The following GLI3 variants were observed in gnomAD, a reference collection of about 807,000 sequenced individuals.
The protein encoded by GLI3 is GLI family zinc finger 3.
In GLI3, 20 loss-of-function variants were observed where a neutral mutation model predicts 100.8. The ratio of observed to expected loss-of-function variants is 0.20; its 90% CI spans 0.14 to 0.29. The LOEUF is 0.29. GLI3 is among the 10% of genes least tolerant of loss of function. GLI3 has a pLI of 1.00. For synonymous variants in GLI3, 938 were observed against 860.5 expected (o/e 1.09, Z -1.58); for missense variants, 2,040 against 2,128.5 (o/e 0.96, Z 0.82).
In GLI3 at chr7:41,967,328, C is replaced by T. The variant is rs539478569; in HGVS notation, c.2431+268G>A. Among the ~76,000 whole-genome samples the T allele has an allele frequency of 2.6e-5, 4 of 152,318 alleles. No individual in the cohort carries two copies. In the South Asian group the frequency reaches 6.2e-4, roughly 24 times the overall value. ...CACAGATGCCTCCACTGCTGGCATT[C>T]CCTTACCCTAATCTAACAGTTATGA... is the stretch of plus-strand genomic sequence containing the variant. On this transcript the variant is annotated intron_variant, in intron 14 of 14. Coordinates refer to ENST00000395925, the MANE Select transcript of GLI3 (RefSeq NM_000168.6).
chr7:42,248,882 T>C (rs2068194172), intron 1 of GLI3, among the ~76,000 whole-genome samples: 1 of 151,950 alleles, frequency 6.6e-6, no homozygotes, highest in South Asian at 2.1e-4. Context: ...TCAACCTCCC[T>C]AGGCTCAGGT....
intron 2 of GLI3, among the ~76,000 whole-genome samples, chr7:42,171,314 A>T (rs554993780): frequency 1.8e-4 from 28 of 152,342 alleles, no homozygotes; most frequent in African/African-American, 4.3e-4. Flanking sequence ...AGGATTTTTT[A>T]AAAAACTTTT....
chr7:42,116,079 A>G (rs1562738614), intron 3 of GLI3, among the ~76,000 whole-genome samples: 2 of 152,114 alleles, frequency 1.3e-5, no homozygotes, highest in Non-Finnish European at 2.9e-5. Context: ...CAGAGTGGAA[A>G]CACCAACAAA....
At chr7:42,246,141 C>T (rs983984411) in intron 1 of GLI3, among the ~76,000 whole-genome samples, 2 of 152,224 alleles carry the variant, frequency 1.3e-5, no homozygotes, top group African/African-American at 4.8e-5. Flanking sequence ...TACCAACTTC[C>T]ACCTCATGTG....
chr7:42,224,753 G>A (rs751878313), intron 1 of GLI3, among the ~76,000 whole-genome samples: 10 of 152,206 alleles, frequency 6.6e-5, no homozygotes, highest in Non-Finnish European at 1.3e-4. Flanking sequence ...TGCAGCCACC[G>A]TGCGTGAGTC....
intron 4 of GLI3, among the ~76,000 whole-genome samples, chr7:42,054,610 T>C (rs1020599635): frequency 3.3e-5 from 5 of 152,278 alleles, no homozygotes; most frequent in Admixed American, 1.3e-4. Context: ...CAGAGGGTAG[T>C]TGTTCTTTTT....
intron 3 of GLI3, among the ~76,000 whole-genome samples, chr7:42,084,820 A>G (rs955016263): frequency 2.0e-5 from 3 of 152,112 alleles, no homozygotes; most frequent in Non-Finnish European, 4.4e-5. Flanking sequence ...ACCAGTGACA[A>G]ATTTTTAAAT....
rs1361259582 is a variant in GLI3, at chr7:42,172,680, T to C, written c.125-24212A>G. The C allele has an allele frequency of 5.7e-6, 4 of 700,170 alleles. No homozygotes were observed. In the South Asian group the frequency reaches 6.0e-5, roughly 10 times the overall value. The allele number at this position is 700,170 out of a possible 1,614,324, so 43.4% of individuals were successfully genotyped here. On this transcript the variant is annotated intron_variant, in intron 2 of 14. Transcript: ENST00000395925. ...CCAGCCTCTGGCCTGGGCCTCCAAA[T>C]GGTTGCCTGGGAGAAGGGGATGAGT...
intron 2 of GLI3, among the ~76,000 whole-genome samples, chr7:42,158,916 C>T (rs3801209): frequency 0.25 from 38,415 of 152,062 alleles, 5,513 homozygotes; most frequent in Non-Finnish European, 0.33. Flanking sequence ...ATGAATGAAA[C>T]ATGGTTCAGA....
chr7:42,007,099 G>T (rs2128723978), intron 10 of GLI3, among the ~76,000 whole-genome samples: 1 of 151,756 alleles, frequency 6.6e-6, no homozygotes, highest in South Asian at 2.1e-4. Flanking sequence ...CGAAATTCTT[G>T]AAGGAGAGAA....
chr7:42,018,844 G>C (rs1003904287), intron 10 of GLI3, among the ~76,000 whole-genome samples: 3 of 152,128 alleles, frequency 2.0e-5, no homozygotes, highest in African/African-American at 7.2e-5. Context: ...GGATTACAGA[G>C]ACTTGAACGC....
upstream of GLI3, among the ~76,000 whole-genome samples, chr7:42,240,974 T>C (rs1451263565): frequency 2.0e-5 from 3 of 152,194 alleles, no homozygotes; most frequent in Non-Finnish European, 4.4e-5. Context: ...TAGCACCCAG[T>C]TAATTATTGG....
chr7:42,009,762 T>C (rs1328403091), intron 10 of GLI3, among the ~76,000 whole-genome samples: 1 of 152,148 alleles, frequency 6.6e-6, no homozygotes. Context: ...AACATTCACT[T>C]GGACCAACAC....
intron 1 of GLI3, among the ~76,000 whole-genome samples, chr7:42,232,959 T>G (rs1323629391): frequency 1.3e-5 from 2 of 152,150 alleles, no homozygotes; most frequent in Non-Finnish European, 2.9e-5. Context: ...AATTTGGCAC[T>G]CAAATATAGC....
At chr7:42,060,871 A>C (rs1361015578) in intron 4 of GLI3, among the ~76,000 whole-genome samples, 1 of 152,150 alleles carries the variant, frequency 6.6e-6, no homozygotes, top group African/African-American at 2.4e-5. Flanking sequence ...ATCCATCATG[A>C]TTTCCTTTAG....
chr7:42,023,184 A>G (rs950965539), intron 10 of GLI3, among the ~76,000 whole-genome samples: 3 of 152,242 alleles, frequency 2.0e-5, no homozygotes, highest in African/African-American at 7.2e-5. Context: ...TTACTCAATA[A>G]CCATCAAAGT....
At position 41,965,051 on chromosome 7, in the gene GLI3, C is replaced by G; in HGVS notation, c.4022G>C (p.Gly1341Ala). ...ACTAATCTGCCCAAGCATCTGCTGA[C>G]CGGGGCGGCCTGCCCCCGGGTGCTG... Reference protein sequence around the residue: ...SMQHPGAGRPGQQMLGQISAT... With the variant: ...SMQHPGAGRPAQQMLGQISAT... The change falls in exon 15 of 15, where the codon GGT (glycine) becomes GCT (alanine). Residue 1341 changes from glycine (G) to alanine (A), a missense_variant. Physicochemically the swap from Gly to Ala is moderately conservative, Grantham distance 60. Around this residue, in one of 5 missense-constraint regions of GLI3, gnomAD observed 1,041 missense variants for 924.0 expected, o/e 1.13. Transcript: ENST00000395925. The G allele has an allele frequency of 6.2e-7, 1 of 1,613,908 alleles. No homozygotes were observed. The highest frequency in any genetic ancestry group is 1.1e-5 in the South Asian group (1 of 91,084).
At chr7:42,177,254 T>C (rs111329835) in intron 2 of GLI3, among the ~76,000 whole-genome samples, 1 of 152,002 alleles carries the variant, frequency 6.6e-6, no homozygotes, top group African/African-American at 2.4e-5. Context: ...TATTGAGAAA[T>C]ATCCCCTGAT....
chr7:42,159,571 C>A (rs1175527991), intron 2 of GLI3, among the ~76,000 whole-genome samples: 1 of 152,142 alleles, frequency 6.6e-6, no homozygotes, highest in Non-Finnish European at 1.5e-5. Context: ...TTAAAATGCA[C>A]TATTAGGAAT....
Sources: allele counts gnomAD v4.1 joint callset (sites outside exome capture counted in the v4.1 genomes callset), GRCh38; gene constraint gnomAD v4.1.1; regional missense constraint gnomAD v4.1.1; transcripts MANE v1.5; gene names NCBI Gene and HGNC (gene_info 2026-07-23, HGNC 2026-07-21).